FSTL5: variants seen among roughly 807,000 people sequenced by gnomAD.
FSTL5 encodes follistatin-related protein 5.
A neutral mutation model predicts 89.1 loss-of-function variants in FSTL5; 62 were observed. The ratio of observed to expected loss-of-function variants is 0.70; its 90% CI spans 0.57 to 0.86. The LOEUF (loss-of-function observed/expected upper bound fraction) is 0.86. Among genes scored for constraint, FSTL5 ranks in the 40% least tolerant of loss-of-function variants. FSTL5 has a pLI of 0.00. For synonymous variants in FSTL5, 383 were observed against 346.2 expected, an observed-to-expected ratio of 1.11 and a Z score of -1.18; for missense variants, 1,057 against 1,001.6, an observed-to-expected ratio of 1.06 and a Z score of -0.75.
intron 4 of FSTL5, among the ~76,000 whole-genome samples, chr4:161,783,737 TTTC>T (rs1741777650): frequency 8.4e-5 from 3 of 35,616 alleles, no homozygotes; most frequent in African/African-American, 3.3e-4. Context: ...TTTTCTTTTC[TTTC>T]TTTCTTTCTT....
At chr4:161,564,628 T>C (rs1409600428) in intron 8 of FSTL5, among the ~76,000 whole-genome samples, 1 of 151,606 alleles carries the variant, frequency 6.6e-6, no homozygotes, top group African/African-American at 2.4e-5. Flanking sequence ...AAATGATACT[T>C]ATAATCTTTA....
intron 7 of FSTL5, among the ~76,000 whole-genome samples, chr4:161,631,313 A>G (rs1735499660): frequency 6.6e-6 from 1 of 152,118 alleles, no homozygotes; most frequent in Non-Finnish European, 1.5e-5. Context: ...CCAGTTCATA[A>G]TCTGTTCTTC....
chr4:162,073,282 A>T (rs1729701587), intron 2 of FSTL5, among the ~76,000 whole-genome samples: 1 of 151,652 alleles, frequency 6.6e-6, no homozygotes, highest in African/African-American at 2.4e-5. Context: ...ATGGGTATGA[A>T]CTCAATATAA....
chr4:161,888,951 C>A (rs1196187365), intron 4 of FSTL5, among the ~76,000 whole-genome samples: 1 of 151,962 alleles, frequency 6.6e-6, no homozygotes, highest in African/African-American at 2.4e-5. Flanking sequence ...CAAAACATGG[C>A]AGGAGGATGG....
chr4:162,144,190 T>C (rs1263341110), intron 1 of FSTL5, among the ~76,000 whole-genome samples: 2 of 152,146 alleles, frequency 1.3e-5, no homozygotes, highest in Non-Finnish European at 2.9e-5. Flanking sequence ...CATATTCTAA[T>C]GTGATCCAAA....
intron 4 of FSTL5, among the ~76,000 whole-genome samples, chr4:161,904,052 G>A (rs1182588921): frequency 6.6e-6 from 1 of 151,814 alleles, no homozygotes; most frequent in East Asian, 1.9e-4. Context: ...CATTATAATA[G>A]CCATACATGG....
intron 6 of FSTL5, among the ~76,000 whole-genome samples, chr4:161,695,590 A>T (rs2050983081): frequency 6.6e-6 from 1 of 152,110 alleles, no homozygotes; most frequent in Admixed American, 6.6e-5. Context: ...TGCATGTGCA[A>T]GTATCATTTT....
intron 2 of FSTL5, among the ~76,000 whole-genome samples, chr4:162,097,280 G>A (rs906477696): frequency 6.7e-6 from 1 of 150,342 alleles, no homozygotes; most frequent in East Asian, 1.9e-4. Flanking sequence ...TTTTTTTTTA[G>A]CAATGAAATG....
At chr4:161,665,613 T>C (rs1156400147) in intron 6 of FSTL5, among the ~76,000 whole-genome samples, 2 of 152,156 alleles carry the variant, frequency 1.3e-5, no homozygotes, top group Non-Finnish European at 2.9e-5. Context: ...ATAACTGATT[T>C]CATCAGCAAA....
Position 161,511,659 on chromosome 4 carries a change from T to C in FSTL5, c.1313-1235A>G, listed in dbSNP as rs950595083. ...ATCTTTTCATCTTAAACATATTCAA[T>C]CTTTGTCAACTAAATATGTTATAAG... On this transcript the variant is annotated intron_variant, in intron 10 of 15. Coordinates refer to ENST00000306100, the MANE Select transcript of FSTL5 (RefSeq NM_020116.5). Among the ~76,000 whole-genome samples the C allele has an allele frequency of 3.9e-5, 6 of 152,104 alleles. No individual in the cohort carries two copies. The South Asian group carries it at 1.2e-3, about 31-fold the overall frequency.
At chr4:161,765,265 T>A (rs566763510) in intron 5 of FSTL5, among the ~76,000 whole-genome samples, 2 of 152,326 alleles carry the variant, frequency 1.3e-5, no homozygotes, top group African/African-American at 4.8e-5. Context: ...TGATGTTAAA[T>A]AGGATTAATT....
At chr4:161,819,306 GT>G (rs918416350) in intron 4 of FSTL5, among the ~76,000 whole-genome samples, 1 of 151,902 alleles carries the variant, frequency 6.6e-6, no homozygotes, top group East Asian at 1.9e-4. Context: ...ATAAGCAATA[GT>G]TTTTTTTGTA....
At chr4:161,797,766 T>G (rs1729677097) in intron 4 of FSTL5, among the ~76,000 whole-genome samples, 1 of 151,650 alleles carries the variant, frequency 6.6e-6, no homozygotes, top group Admixed American at 6.6e-5. Context: ...TGATGCTTCG[T>G]TAATATGATA....
intron 5 of FSTL5, among the ~76,000 whole-genome samples, chr4:161,763,542 G>T (rs1460078904): frequency 1.3e-5 from 2 of 152,136 alleles, no homozygotes; most frequent in Non-Finnish European, 2.9e-5. Flanking sequence ...GGGTGTAGGG[G>T]AGAGAAGGAC....
At chr4:161,482,533 A>G (rs2126455994) in intron 12 of FSTL5, among the ~76,000 whole-genome samples, 1 of 152,300 alleles carries the variant, frequency 6.6e-6, no homozygotes, top group East Asian at 1.9e-4. Context: ...TACCATTCAT[A>G]TGTATTTAAT....
intron 13 of FSTL5, among the ~76,000 whole-genome samples, chr4:161,463,226 G>A (rs1362588749): frequency 6.6e-6 from 1 of 152,036 alleles, no homozygotes; most frequent in Non-Finnish European, 1.5e-5. Flanking sequence ...ATTTCCAAAA[G>A]TTTTGAACAT....
intron 2 of FSTL5, among the ~76,000 whole-genome samples, chr4:162,102,143 GA>G (rs1731019977): frequency 6.6e-6 from 1 of 151,648 alleles, no homozygotes; most frequent in Non-Finnish European, 1.5e-5. Flanking sequence ...TGTTTCCACA[GA>G]AATTGTGAGA....
intron 7 of FSTL5, among the ~76,000 whole-genome samples, chr4:161,626,870 G>T (rs543790131): frequency 6.6e-6 from 1 of 152,272 alleles, no homozygotes; most frequent in South Asian, 2.1e-4. Flanking sequence ...CAGATGTGAT[G>T]CAAATAGCAA....
intron 3 of FSTL5, among the ~76,000 whole-genome samples, chr4:162,033,184 C>T (rs1167039596): frequency 6.6e-6 from 1 of 152,098 alleles, no homozygotes; most frequent in Admixed American, 6.6e-5. Context: ...ATACTAGGAG[C>T]TATTGCCAAC....
Sources: gnomAD v4.1 joint callset for allele counts (sites outside exome capture counted in the v4.1 genomes callset) on GRCh38, gnomAD v4.1.1 for gene constraint, MANE v1.5 for transcripts, NCBI Gene and HGNC (gene_info 2026-07-23, HGNC 2026-07-21) for gene names.